Variants in DCAF6 observed in about 807,000 individuals in gnomAD.
The protein encoded by DCAF6 is DDB1- and CUL4-associated factor 6.
Under a neutral mutation model 125.1 loss-of-function variants are expected in DCAF6, and 54 were observed. The observed-to-expected ratio is 0.43, with a 90% CI of 0.35 to 0.54. The LOEUF is 0.54. DCAF6 is among the 20% of genes least tolerant of loss of function. The pLI, the probability that DCAF6 is intolerant of heterozygous loss-of-function variation, is 0.01. For missense variants in DCAF6, 934 were observed against 1,161.7 expected (o/e 0.80, Z 2.85); for synonymous variants, 371 against 390.4 (o/e 0.95, Z 0.58).
chr1:168,037,956 C>T (rs1688053751), intron 12 of DCAF6, among the ~76,000 whole-genome samples: 1 of 152,250 alleles, frequency 6.6e-6, no homozygotes, highest in Admixed American at 6.5e-5. Flanking sequence ...TCACAGAGCC[C>T]TTGTATCTTA....
rs565956839 is a variant in DCAF6 at position 168,075,663 on chromosome 1, G to T, written c.*228G>T. 1 of 425,208 alleles carries T rather than the reference G, an allele frequency of 2.4e-6. No individual in the cohort carries two copies. The highest frequency in any genetic ancestry group is 5.5e-5 in the South Asian group (1 of 18,046). The allele number at this position is 425,208 out of a possible 1,614,324, so 26.3% of individuals were successfully genotyped here. On this transcript the variant is annotated 3_prime_UTR_variant, in exon 22 of 22. Transcript: ENST00000367840. Reference sequence around the variant, plus strand: ...TTTAAAACTTTTTGCCGTGTATGAGGAGTGCTAGAAAATGCAAAGTGCAAT... The same window carrying T: ...TTTAAAACTTTTTGCCGTGTATGAGTAGTGCTAGAAAATGCAAAGTGCAAT...
chr1:167,886,302 A>G, the DCAF6 span, among the ~76,000 whole-genome samples: 2 of 152,204 alleles, frequency 1.3e-5, no homozygotes, highest in Non-Finnish European at 2.9e-5. Flanking sequence ...AAACTATACT[A>G]CAAGGCTACA....
chr1:168,063,713 C>T lies in DCAF6; in HGVS notation c.2393C>T (p.Pro798Leu). Residue 798 changes from proline to leucine, a missense_variant, in exon 18 of 22, where the codon CCG becomes CTG. Coordinates refer to ENST00000367840, the MANE Select transcript of DCAF6 (RefSeq NM_001198956.2). ...TTGGATACTTTGAACATTAGAAGGC[C>T]GCTAGTAAAAATGGTTTATAAAGGC... ...EELDTLNIRRPLVKMVYKGHR... is the reference protein window; with the variant it reads ...EELDTLNIRRLLVKMVYKGHR... 4.4e-6 allele frequency: 7 copies of T among 1,603,276 alleles called. No homozygotes were observed. The highest frequency in any genetic ancestry group is 1.7e-5 in the Admixed American group (1 of 58,098).
the DCAF6 span, chr1:167,917,706 G>A: frequency 6.6e-6 from 1 of 151,960 alleles, no homozygotes; most frequent in Non-Finnish European, 1.5e-5. Context: ...AGTTACTGAG[G>A]GTAATTGAAA....
In DCAF6 at chr1:168,052,174, G is replaced by T. The variant is rs527277697; in HGVS notation, c.2300+1241G>T. 2.6e-5 allele frequency among the ~76,000 whole-genome samples: 4 copies of T among 152,238 alleles called. No individual in the cohort carries two copies. In the East Asian group the frequency reaches 7.7e-4, roughly 29 times the overall value. On this transcript the variant is annotated intron_variant, in intron 17 of 21. Transcript: ENST00000367840. ...GCTGGGATTACAGGCTTGAGCCACCGCATCTGGCCTAGTTATCACTTTCTG... is the reference window on the plus strand; with the variant it reads ...GCTGGGATTACAGGCTTGAGCCACCTCATCTGGCCTAGTTATCACTTTCTG...
chr1:168,042,149 G>C (rs1029044980), intron 13 of DCAF6, among the ~76,000 whole-genome samples: 2 of 151,832 alleles, frequency 1.3e-5, no homozygotes, highest in Admixed American at 1.3e-4. Flanking sequence ...AAAAGTCCAT[G>C]ATCGTTTGTA....
chr1:168,022,907 C>T, intron 11 of DCAF6, 81 bp from the exon 12 acceptor site: 2 of 1,311,396 alleles, frequency 1.5e-6, no homozygotes, highest in Admixed American at 3.7e-5. Flanking sequence ...ACATTTGTTT[C>T]TTAAGCTTAG....
intron 7 of DCAF6, among the ~76,000 whole-genome samples, chr1:167,994,290 C>T (rs1265319037): frequency 6.6e-6 from 1 of 151,998 alleles, no homozygotes; most frequent in Non-Finnish European, 1.5e-5. Flanking sequence ...AGATGTACAG[C>T]AGCAGCAAGA....
intron 13 of DCAF6, 82 bp downstream of exon 13, chr1:168,038,570 TTA>T: frequency 2.0e-6 from 2 of 1,007,672 alleles, no homozygotes; most frequent in Non-Finnish European, 2.9e-6. Flanking sequence ...TTCGTCATCT[TTA>T]TGTTTTGTTT....
chr1:167,978,205 C>A (rs1014093691), intron 4 of DCAF6, among the ~76,000 whole-genome samples: 1 of 152,192 alleles, frequency 6.6e-6, no homozygotes, highest in Admixed American at 6.5e-5. Flanking sequence ...TTTCAGTACA[C>A]AAATGCACAC....
upstream of DCAF6, chr1:167,936,033 A>G: frequency 1.7e-6 from 1 of 600,612 alleles, no homozygotes. Context: ...GCGAAGGTTG[A>G]GGGGGCGGAG....
chr1:167,876,129 C>T, the DCAF6 span, among the ~76,000 whole-genome samples: 86 of 151,200 alleles, frequency 5.7e-4, no homozygotes, highest in African/African-American at 1.8e-3. Flanking sequence ...TGGTGGCTTG[C>T]GCCTGCCATC....
the DCAF6 span, among the ~76,000 whole-genome samples, chr1:167,930,122 A>G: frequency 6.6e-6 from 1 of 152,182 alleles, no homozygotes; most frequent in Non-Finnish European, 1.5e-5. Context: ...ACCATTTTAG[A>G]GCCATATAAT....
rs777414255 is a variant in DCAF6 at position 167,951,792 on chromosome 1, T to C, written c.98-8T>C. The C allele has an allele frequency of 3.9e-6, 6 of 1,557,540 alleles. No homozygotes were observed. The South Asian group carries it at 5.6e-5, about 15-fold the overall frequency. Reference sequence around the variant, plus strand: ...GATTTATTTAATTTGTTCTTTCTTTTTAAACAGGAAGAAGAGAATTTATCC... The same window carrying C: ...GATTTATTTAATTTGTTCTTTCTTTCTAAACAGGAAGAAGAGAATTTATCC... On this transcript the variant is annotated splice_polypyrimidine_tract_variant and splice_region_variant and intron_variant, in intron 1 of 21. Coordinates refer to ENST00000367840, the MANE Select transcript of DCAF6 (RefSeq NM_001198956.2).
chr1:167,982,198 G>T (rs1679287285), intron 4 of DCAF6, among the ~76,000 whole-genome samples: 1 of 152,000 alleles, frequency 6.6e-6, no homozygotes, highest in Admixed American at 6.6e-5. Flanking sequence ...CATGTCCTTT[G>T]CTCATTTTTT....
intron 11 of DCAF6, among the ~76,000 whole-genome samples, chr1:168,019,335 A>G (rs1480069166): frequency 6.6e-6 from 1 of 152,214 alleles, no homozygotes; most frequent in Non-Finnish European, 1.5e-5. Context: ...GGTGTGAACC[A>G]CCATGCCCAG....
chr1:167,963,409 T>A (rs1675921569), intron 2 of DCAF6, among the ~76,000 whole-genome samples: 1 of 150,746 alleles, frequency 6.6e-6, no homozygotes, highest in Admixed American at 6.6e-5. Context: ...TTTTCCATTC[T>A]TCTGCCTTTT....
intron 21 of DCAF6, among the ~76,000 whole-genome samples, chr1:168,073,077 G>A (rs1420431308): frequency 2.6e-5 from 4 of 152,126 alleles, no homozygotes; most frequent in Admixed American, 1.3e-4. Context: ...TCGGGAGGGC[G>A]AGACAGGAGA....
intron 1 of DCAF6, among the ~76,000 whole-genome samples, chr1:167,944,303 A>G (rs1672727245): frequency 6.6e-6 from 1 of 152,250 alleles, no homozygotes; most frequent in Non-Finnish European, 1.5e-5. Flanking sequence ...TTTTAGATAT[A>G]TTAATTTCTT....
Sources: gnomAD v4.1 joint callset for allele counts (sites outside exome capture counted in the v4.1 genomes callset) on GRCh38, gnomAD v4.1.1 for gene constraint, MANE v1.5 for transcripts, NCBI Gene and HGNC (gene_info 2026-07-23, HGNC 2026-07-21) for gene names.